The following CENPP variants were observed in gnomAD, a reference collection of about 807,000 sequenced individuals.
The protein encoded by CENPP is centromere protein P.
In CENPP, 24 loss-of-function variants were observed where a neutral mutation model predicts 35.6. The observed-to-expected ratio is 0.67, with a 90% confidence interval of 0.49 to 0.95. The LOEUF is 0.95. Ranked by LOEUF, CENPP falls within the 40% of genes least tolerant of loss-of-function variation. The probability of loss-of-function intolerance (pLI) is 0.00; values close to 1 mark genes in which losing one functional copy is unlikely to be tolerated. For synonymous variants in CENPP, 120 were observed against 125.5 expected, an observed-to-expected ratio of 0.96 and a Z score of 0.29; for missense variants, 332 against 345.3, an observed-to-expected ratio of 0.96 and a Z score of 0.31.
chr9:92,602,078 T>A (rs749106143), intron 5 of CENPP, among the ~76,000 whole-genome samples: 3 of 151,912 alleles, frequency 2.0e-5, no homozygotes, highest in Non-Finnish European at 2.9e-5. Flanking sequence ...TGCCAGAGAG[T>A]AGGAAGACCT....
chr9:92,604,058 T>G (rs1389732448), intron 5 of CENPP, among the ~76,000 whole-genome samples: 1 of 152,238 alleles, frequency 6.6e-6, no homozygotes, highest in Non-Finnish European at 1.5e-5. Flanking sequence ...GGACATGTTT[T>G]CCTTTCTCTT....
intron 5 of CENPP, among the ~76,000 whole-genome samples, chr9:92,595,907 T>C (rs1850769681): frequency 6.6e-6 from 1 of 152,192 alleles, no homozygotes; most frequent in Admixed American, 6.5e-5. Context: ...AACGTAAGAC[T>C]GTGAAGTACA....
rs575505322 is a variant in CENPP at position 92,581,612 on chromosome 9, A to G, written c.565-29702A>G. Among the ~76,000 whole-genome samples, 12 of 152,296 alleles carry G rather than the reference A, an allele frequency of 7.9e-5. No individual in the cohort carries two copies. The South Asian group carries it at 2.5e-3, about 32-fold the overall frequency. The stretch of plus-strand genomic sequence containing the variant: ...CCAGCAAATACTGTCTTTCAGAATG[A>G]AAGTGAAATAAAGAGAATGTTAGAT... On this transcript the variant is annotated intron_variant, in intron 5 of 7. Coordinates refer to ENST00000375587, the MANE Select transcript of CENPP (RefSeq NM_001012267.3).
At chr9:92,404,318 ATTC>A (rs1440569466) in intron 5 of CENPP, among the ~76,000 whole-genome samples, 1 of 152,168 alleles carries the variant, frequency 6.6e-6, no homozygotes, top group African/African-American at 2.4e-5. Flanking sequence ...GCAGCACCCT[ATTC>A]TTGCCTGCGT....
chr9:92,363,109 T>A (rs1014276981), intron 4 of CENPP, among the ~76,000 whole-genome samples: 3 of 152,162 alleles, frequency 2.0e-5, no homozygotes, highest in African/African-American at 7.2e-5. Context: ...AACCAGAGTT[T>A]CTTTTTGTGG....
chr9:92,473,942 C>G (rs887719200), intron 5 of CENPP, among the ~76,000 whole-genome samples: 2 of 152,216 alleles, frequency 1.3e-5, no homozygotes, highest in African/African-American at 4.8e-5. Flanking sequence ...TGTGCCAGAC[C>G]TTGGCCTCCA....
At chr9:92,361,819 A>G (rs1841761185) in intron 4 of CENPP, among the ~76,000 whole-genome samples, 1 of 152,166 alleles carries the variant, frequency 6.6e-6, no homozygotes, top group Non-Finnish European at 1.5e-5. Flanking sequence ...ATTCCCTTAT[A>G]TAATTACAGT....
chr9:92,449,509 G>T (rs916533086), intron 5 of CENPP, among the ~76,000 whole-genome samples: 14 of 145,012 alleles, frequency 9.7e-5, no homozygotes, highest in African/African-American at 3.5e-4. Flanking sequence ...ACCTCATAGG[G>T]TTATTGTGAG....
At chr9:92,563,085 C>A (rs1418661179) in intron 5 of CENPP, among the ~76,000 whole-genome samples, 1 of 152,132 alleles carries the variant, frequency 6.6e-6, no homozygotes, top group Non-Finnish European at 1.5e-5. Context: ...ATGGGGCTTT[C>A]AAACTGTACC....
chr9:92,407,282 GT>G (rs1564304495), intron 5 of CENPP, among the ~76,000 whole-genome samples: 1 of 152,076 alleles, frequency 6.6e-6, no homozygotes, highest in African/African-American at 2.4e-5. Flanking sequence ...CCTACATCAC[GT>G]GGTTGGTCTT....
intron 5 of CENPP, among the ~76,000 whole-genome samples, chr9:92,546,442 A>G (rs916827405): frequency 6.6e-6 from 1 of 152,130 alleles, no homozygotes; most frequent in African/African-American, 2.4e-5. Flanking sequence ...CTCATGGGGG[A>G]AGATCTGCAG....
intron 5 of CENPP, among the ~76,000 whole-genome samples, chr9:92,563,974 G>T (rs1311268153): frequency 6.6e-6 from 1 of 152,180 alleles, no homozygotes; most frequent in Non-Finnish European, 1.5e-5. Context: ...TTATTTCTTT[G>T]TGTATTTATT....
At chr9:92,575,954 T>C (rs1201146780) in intron 5 of CENPP, among the ~76,000 whole-genome samples, 1 of 152,122 alleles carries the variant, frequency 6.6e-6, no homozygotes. Flanking sequence ...TAGCAGTTCC[T>C]AAGAAAATTA....
rs1421274471 is a variant in CENPP, at chr9:92,457,311, G to A, written c.564+77452G>A. On this transcript the variant is annotated intron_variant, in intron 5 of 7. Transcript: ENST00000375587. ...TATTACATTCCAAAGTTCCCAAGCT[G>A]AACGCTCATTCTGCTCAAAACACAA... 3.1e-6 allele frequency: 5 copies of A among 1,613,682 alleles called. No individual in the cohort carries two copies. In the African/African-American group the frequency reaches 6.7e-5, roughly 22 times the overall value.
chr9:92,500,782 C>A (rs1211295217), intron 5 of CENPP: 1 of 1,613,960 alleles, frequency 6.2e-7, no homozygotes, highest in Non-Finnish European at 8.5e-7. Context: ...TCTTGTATCC[C>A]AGGTGGTATA....
intron 6 of CENPP, among the ~76,000 whole-genome samples, chr9:92,611,865 T>G (rs977754154): frequency 1.3e-5 from 2 of 152,258 alleles, no homozygotes; most frequent in Non-Finnish European, 2.9e-5. Flanking sequence ...TGTGTGGACA[T>G]GTATCCATCT....
intron 5 of CENPP, among the ~76,000 whole-genome samples, chr9:92,504,342 C>T (rs569821694): frequency 1.1e-3 from 162 of 152,156 alleles, no homozygotes; most frequent in Non-Finnish European, 1.9e-3. Context: ...GCCATGACAG[C>T]CACATAAGAT....
chr9:92,450,808 T>G (rs1217538891), intron 5 of CENPP, among the ~76,000 whole-genome samples: 3 of 152,178 alleles, frequency 2.0e-5, no homozygotes, highest in African/African-American at 7.2e-5. Flanking sequence ...TGAGATGGTA[T>G]CTCATTGTGG....
At chr9:92,515,127 T>C (rs1338097595) in intron 5 of CENPP, 1 of 1,613,016 alleles carries the variant, frequency 6.2e-7, no homozygotes, top group Non-Finnish European at 8.5e-7. Flanking sequence ...AATTGGTAGG[T>C]TCTCTTTGTT....
Sources: allele counts gnomAD v4.1 joint callset (sites outside exome capture counted in the v4.1 genomes callset), GRCh38; gene constraint gnomAD v4.1.1; transcripts MANE v1.5; gene names NCBI Gene and HGNC (gene_info 2026-07-23, HGNC 2026-07-21).